Variants in SFI1 observed in about 807,000 individuals in gnomAD.
SFI1 encodes SFI1 centrin binding protein, also known as protein SFI1 homolog.
Under a neutral mutation model 207.5 loss-of-function variants are expected in SFI1, and 195 were observed. That is an observed-to-expected ratio of 0.94 (90% confidence interval 0.84 to 1.06). SFI1 has a LOEUF of 1.06. Among genes scored for constraint, SFI1 ranks in the 50% least tolerant of loss-of-function variants. The probability of loss-of-function intolerance (pLI) is 0.00; values close to 1 mark genes in which losing one functional copy is unlikely to be tolerated. For synonymous variants in SFI1, 630 were observed against 598.9 expected (o/e 1.05, Z -0.76); for missense variants, 1,634 against 1,588.0 (o/e 1.03, Z -0.49).
chr22:31,585,794 C>G (rs1278396149), intron 14 of SFI1, among the ~76,000 whole-genome samples: 1 of 152,134 alleles, frequency 6.6e-6, no homozygotes, highest in Non-Finnish European at 1.5e-5. Context: ...AGAAGGATTT[C>G]AAGGCCATAT....
At chr22:31,520,173 T>TA (rs2057047797) in intron 2 of SFI1, among the ~76,000 whole-genome samples, 1 of 150,764 alleles carries the variant, frequency 6.6e-6, no homozygotes. Flanking sequence ...CACCACCTGT[T>TA]TAAAAAAAAA....
intron 4 of SFI1, among the ~76,000 whole-genome samples, chr22:31,535,599 A>G (rs147305276): frequency 0.023 from 3,552 of 151,264 alleles, 127 homozygotes; most frequent in African/African-American, 0.081. Flanking sequence ...TGCCTCCTAG[A>G]TTCAAGCAAT....
Position 31,607,943 on chromosome 22 carries a change from G to A in SFI1, c.2164G>A (p.Val722Ile). The A allele has an allele frequency of 6.2e-7, 1 of 1,613,878 alleles. No homozygotes were observed. Among genetic ancestry groups the A allele is most frequent in the Middle Eastern group, 1.7e-4 (1 of 6,060 alleles). The stretch of plus-strand genomic sequence containing the variant: ...GCTCCTTGCCTGCCCATAGGTCCTG[G>A]TCCAGTGGCGGGAAGCTGTGTCAGT... ...YRRTICSKVL[V>I]QWREAVSVQM... is the part of the protein sequence containing the mutation. Residue 722 changes from valine (V) to isoleucine (I), a missense_variant, in exon 22 of 33, where the codon GTC becomes ATC. Coordinates refer to ENST00000400288, the MANE Select transcript of SFI1 (RefSeq NM_001007467.3).
At chr22:31,503,121 TTG>T (rs1296033476) in intron 1 of SFI1, among the ~76,000 whole-genome samples, 1 of 151,136 alleles carries the variant, frequency 6.6e-6, no homozygotes, top group African/African-American at 2.4e-5. Flanking sequence ...TGAGCAGGAC[TTG>T]TGAGTTCAGG....
chr22:31,566,171 G>A (rs2062285513), intron 8 of SFI1, among the ~76,000 whole-genome samples: 1 of 146,406 alleles, frequency 6.8e-6, no homozygotes, highest in South Asian at 2.1e-4. Context: ...TCAGCTCACT[G>A]CAATCTCCGC....
At position 31,613,653 on chromosome 22, in the gene SFI1, CAG is replaced by C. The variant is rs553539195; in HGVS notation, c.2796_2797del (p.Lys933SerfsTer23). The C allele has an allele frequency of 8.9e-4, 1,436 of 1,605,068 alleles. 1 individual carries two copies. Among genetic ancestry groups the C allele is most frequent in the Non-Finnish European group, 1.1e-3 (1,247 of 1,174,564 alleles). ...CCGCCGCTGTGCCACGCTCTGGAAA[CAG>C]AAAGTGCTGGGCCGGGGCGGGAAGC... ...AVRRCATLWK[Q>X]KVLGRGGKPQ... On this transcript the variant is annotated frameshift_variant, in exon 27 of 33. Coordinates refer to ENST00000400288, the MANE Select transcript of SFI1 (RefSeq NM_001007467.3). LOFTEE classifies it high-confidence loss of function.
At position 31,558,162 on chromosome 22, in the gene SFI1, A is replaced by G. The variant is rs376229641; in HGVS notation, c.662+1103A>G. ...TACTTAAAGGTTTGTCATCAGGAAT[A>G]AATAAAGTAATATCTGTAAAGTATT... On this transcript the variant is annotated intron_variant, in intron 7 of 32. Transcript: ENST00000400288. Among the ~76,000 whole-genome samples, 21 of 152,316 alleles carry G rather than the reference A, an allele frequency of 1.4e-4. No individual in the cohort carries two copies. In the East Asian group the frequency reaches 3.7e-3, roughly 27 times the overall value.
In SFI1 at chr22:31,615,032, C is replaced by A; in HGVS notation, c.3069-16C>A. Reference sequence around the variant, plus strand: ...GTCCTGTGGCCTGACCAGGCTCTTGCCTTCCCTGTGCTCAGGCCTCAGAAG... The same window carrying A: ...GTCCTGTGGCCTGACCAGGCTCTTGACTTCCCTGTGCTCAGGCCTCAGAAG... On this transcript the variant is annotated splice_polypyrimidine_tract_variant and intron_variant, in intron 28 of 32. Transcript: ENST00000400288. The A allele has an allele frequency of 6.2e-7, 1 of 1,611,128 alleles. No individual in the cohort carries two copies. Among genetic ancestry groups the A allele is most frequent in the South Asian group, 1.1e-5 (1 of 90,842 alleles).
rs531273344 is a variant in SFI1 at position 31,604,548 on chromosome 22, G to C, written c.1977+144G>C. 973 of 710,890 alleles carry C rather than the reference G, an allele frequency of 1.4e-3. 7 individuals are homozygous for C. The African/African-American group carries it at 0.015, about 11-fold the overall frequency. 44.0% of individuals were successfully genotyped at this position (710,890 alleles called of 1,614,324 possible). Reference sequence around the variant, plus strand: ...AAACCAAGCAGGTGCCCCGGACAGCGGGCCTTAGGCCATAGGGTTCTTTGA... The same window carrying C: ...AAACCAAGCAGGTGCCCCGGACAGCCGGCCTTAGGCCATAGGGTTCTTTGA... On this transcript the variant is annotated intron_variant, in intron 19 of 32. Coordinates refer to ENST00000400288, the MANE Select transcript of SFI1 (RefSeq NM_001007467.3).
chr22:31,539,394 C>A (rs1395353330), intron 4 of SFI1, among the ~76,000 whole-genome samples: 1 of 152,154 alleles, frequency 6.6e-6, no homozygotes, highest in East Asian at 1.9e-4. Context: ...TTTTGTGTCA[C>A]CTATTGAGTT....
chr22:31,618,069 T>A, intron 31 of SFI1, 46 bp from the exon 32 acceptor site: 1 of 1,533,790 alleles, frequency 6.5e-7, no homozygotes, highest in Non-Finnish European at 8.8e-7. Flanking sequence ...GATGGGGCTC[T>A]GCCAAGGACC....
intron 15 of SFI1, among the ~76,000 whole-genome samples, chr22:31,593,324 C>G (rs1323371099): frequency 2.2e-5 from 3 of 134,964 alleles, no homozygotes; most frequent in Non-Finnish European, 4.9e-5. Context: ...GACGGGGTCT[C>G]GGCCGGGCAG....
chr22:31,614,372 C>A, intron 27 of SFI1: 2 of 376,970 alleles, frequency 5.3e-6, no homozygotes, highest in Non-Finnish European at 1.0e-5. Context: ...GCTCCCACAG[C>A]AACCAGCACT....
At chr22:31,565,842 T>C (rs2062239139) in intron 8 of SFI1, among the ~76,000 whole-genome samples, 2 of 152,150 alleles carry the variant, frequency 1.3e-5, no homozygotes. Flanking sequence ...CTTTCTTCCT[T>C]TTTTAAAATA....
chr22:31,602,815 T>A (rs1569445573), intron 17 of SFI1, 30 bp downstream of exon 17: 16 of 1,604,062 alleles, frequency 1.0e-5, no homozygotes, highest in Non-Finnish European at 1.4e-5. Context: ...TTACAAGCCT[T>A]TCCATCACAG....
At chr22:31,558,337 G>A (rs2061365599) in intron 7 of SFI1, among the ~76,000 whole-genome samples, 1 of 151,200 alleles carries the variant, frequency 6.6e-6, no homozygotes, top group African/African-American at 2.4e-5. Flanking sequence ...GACCAGCCTG[G>A]GCAACAAAGC....
intron 6 of SFI1, among the ~76,000 whole-genome samples, chr22:31,551,013 C>T (rs898442286): frequency 2.6e-5 from 4 of 152,146 alleles, no homozygotes; most frequent in Non-Finnish European, 5.9e-5. Context: ...ATTCCTCATG[C>T]CTCATGTCAT....
chr22:31,570,144 A>ATAAG (rs948029324), intron 8 of SFI1, among the ~76,000 whole-genome samples: 3 of 151,706 alleles, frequency 2.0e-5, no homozygotes, highest in Non-Finnish European at 4.4e-5. Context: ...AAATAAATAA[A>ATAAG]TAAATAAATC....
At chr22:31,604,483 C>A in intron 19 of SFI1, 79 bp downstream of exon 19, 1 of 1,252,572 alleles carries the variant, frequency 8.0e-7, no homozygotes, top group Non-Finnish European at 1.1e-6. Context: ...CTTCCTTGTT[C>A]TTCCTGTCCG....
Sources: gnomAD v4.1 joint callset for allele counts (sites outside exome capture counted in the v4.1 genomes callset) on GRCh38, gnomAD v4.1.1 for gene constraint, MANE v1.5 for transcripts, NCBI Gene and HGNC (gene_info 2026-07-23, HGNC 2026-07-21) for gene names.